The following CARMIL3 variants were observed in gnomAD, a reference collection of about 807,000 sequenced individuals.
CARMIL3 encodes the protein capping protein, Arp2/3 and myosin-I linker protein 3.
CARMIL3 carries 88 observed loss-of-function variants against 180.8 expected under a neutral mutation model. The ratio of observed to expected loss-of-function variants is 0.49; its 90% CI spans 0.41 to 0.58. The LOEUF (loss-of-function observed/expected upper bound fraction) is 0.58, where lower values mean the gene tolerates loss of function less well. Among genes scored for constraint, CARMIL3 ranks in the 20% least tolerant of loss-of-function variants. CARMIL3 has a pLI of 0.00. For synonymous variants in CARMIL3, 696 were observed against 714.5 expected (o/e 0.97, Z 0.41); for missense variants, 1,548 against 1,787.0 (o/e 0.87, Z 2.41).
At chr14:24,060,365 C>T (rs2035720548) in intron 24 of CARMIL3, 110 bp downstream of exon 24, 9 of 1,252,278 alleles carry the variant, frequency 7.2e-6, no homozygotes, top group Non-Finnish European at 1.0e-5. Context: ...TGGTGCCTAT[C>T]ACTGGACTGA....
Position 24,055,525 on chromosome 14 carries a change from C to A in CARMIL3, c.606-18C>A. 6.2e-7 allele frequency: 1 copy of A among 1,613,976 alleles called. No homozygotes were observed. The highest frequency in any genetic ancestry group is 1.1e-5 in the South Asian group (1 of 91,080). ...CCACCTGCTCACCACTTTCCTGCCC[C>A]CTTCCATATCCCCACAGAGACTTGG... is the stretch of plus-strand genomic sequence containing the variant. On this transcript the variant is annotated intron_variant, in intron 8 of 39. Transcript: ENST00000342740.
rs2035763836 is a variant in CARMIL3 at position 24,064,343 on chromosome 14, C to A, written c.3077C>A (p.Ser1026Tyr). ...FFSRRVLEES[S>Y]SYPRTLRTVR... ...AGCCGAAGGGTCCTGGAGGAAAGTT[C>A]TAGGTGTGATGCCTAAACACACTCC... Residue 1026 changes from serine (S) to tyrosine (Y), a missense_variant, in exon 32 of 40, where the codon TCT becomes TAT. Transcript: ENST00000342740. 6.2e-7 allele frequency: 1 copy of A among 1,606,764 alleles called. No individual in the cohort carries two copies. The highest frequency in any genetic ancestry group is 2.2e-5 in the East Asian group (1 of 44,762).
chr14:24,067,144 C>T (rs1019863049), intron 36 of CARMIL3, among the ~76,000 whole-genome samples: 43 of 152,240 alleles, frequency 2.8e-4, no homozygotes, highest in African/African-American at 9.4e-4. Flanking sequence ...GAGCTCGCCT[C>T]GGAGGTCAGA....
chr14:24,063,150 T>C lies in CARMIL3; in HGVS notation c.2737T>C (p.Cys913Arg). The C allele has an allele frequency of 6.2e-7, 1 of 1,613,604 alleles. No homozygotes were observed. The highest frequency in any genetic ancestry group is 1.3e-5 in the African/African-American group (1 of 75,074). The change falls in exon 30 of 40, where the codon TGC becomes CGC. Residue 913 changes from cysteine (C) to arginine (R), a missense_variant. Cys to Arg is a radical substitution (Grantham distance 180). Coordinates refer to ENST00000342740, the MANE Select transcript of CARMIL3 (RefSeq NM_138360.4). ...CATGGCCATCAAAAAGCAGAAACGC[T>C]GCCGCAAGATTCGGCCGGTGTCTGC... Reference protein sequence around the residue: ...DTMAIKKQKRCRKIRPVSAFI... With the variant: ...DTMAIKKQKRRRKIRPVSAFI...
intron 34 of CARMIL3, 98 bp from the exon 35 acceptor site, chr14:24,066,300 A>G: frequency 7.2e-7 from 1 of 1,395,912 alleles, no homozygotes; most frequent in East Asian, 2.3e-5. Context: ...GACTAATGAC[A>G]TGAGAATGAC....
In CARMIL3 at chr14:24,055,790, G is replaced by C. The variant is rs766083742; in HGVS notation, c.770+1G>C. On this transcript the variant is annotated splice_donor_variant, in intron 10 of 39. Coordinates refer to ENST00000342740, the MANE Select transcript of CARMIL3 (RefSeq NM_138360.4). LOFTEE classifies it high-confidence loss of function. Reference sequence around the variant, plus strand: ...TGCTGGACAACGCCGGGCTTAAGACGTGAGGCCAGTCTCCTCCTTGGGCAG... The same window carrying C: ...TGCTGGACAACGCCGGGCTTAAGACCTGAGGCCAGTCTCCTCCTTGGGCAG... 6.2e-7 allele frequency: 1 copy of C among 1,613,884 alleles called. No homozygotes were observed.
chr14:24,058,837 G>T lies in CARMIL3; in HGVS notation c.1475-53G>T. 1 of 1,612,260 alleles carries T rather than the reference G, an allele frequency of 6.2e-7. No homozygotes were observed. The highest frequency in any genetic ancestry group is 1.1e-5 in the South Asian group (1 of 91,044). On this transcript the variant is annotated intron_variant, in intron 18 of 39. Transcript: ENST00000342740. This position sits in a 1 kb window ranked among gnomAD's most constrained non-coding sequence, Gnocchi z 6.4. Reference sequence around the variant, plus strand: ...GAGCATGCAGAAGCAGCCCTGATGGGACACCAGTCAGCCTCAGGCCTCCAG... The same window carrying T: ...GAGCATGCAGAAGCAGCCCTGATGGTACACCAGTCAGCCTCAGGCCTCCAG...
At chr14:24,064,910 T>G in intron 32 of CARMIL3, 48 bp from the exon 33 acceptor site, 2 of 1,580,010 alleles carry the variant, frequency 1.3e-6, no homozygotes, top group East Asian at 2.3e-5. Flanking sequence ...GACCCAGGAT[T>G]GAGCTTGCAT....
chr14:24,052,059 CG>C lies in CARMIL3; in HGVS notation c.-94del. 3 of 1,309,756 alleles carry C rather than the reference CG, an allele frequency of 2.3e-6. No individual in the cohort carries two copies. The highest frequency in any genetic ancestry group is 2.0e-6 in the Non-Finnish European group (2 of 996,028). 81.1% of individuals were successfully genotyped at this position (1,309,756 alleles called of 1,614,324 possible). ...GCTCGGCCGCTGCTGCAGCGCTCAG[CG>C]CCCGGGCCCTGCTGAAGCCGGGTCT... On this transcript the variant is annotated 5_prime_UTR_variant, in exon 1 of 40. Coordinates refer to ENST00000342740, the MANE Select transcript of CARMIL3 (RefSeq NM_138360.4).
intron 27 of CARMIL3, 65 bp from the exon 28 acceptor site, chr14:24,062,415 T>A: frequency 7.2e-7 from 1 of 1,385,118 alleles, no homozygotes; most frequent in Non-Finnish European, 1.0e-6. Context: ...GGAGAGGGAG[T>A]GCCTCAGGGG....
rs1263383690 is a variant in CARMIL3, at chr14:24,061,199, A to G, written c.2304+159A>G. On this transcript the variant is annotated intron_variant, in intron 26 of 39. Transcript: ENST00000342740. This position sits in a 1 kb window ranked among gnomAD's most constrained non-coding sequence, Gnocchi z 4.1. The stretch of plus-strand genomic sequence containing the variant: ...CCCACTGTACCAAGGCATTGCTGCA[A>G]TATCAGGCTTGGATTTTTTTCTGCT... 19 of 676,358 alleles carry G rather than the reference A, an allele frequency of 2.8e-5. 1 individual carries two copies. The highest frequency in any genetic ancestry group is 1.4e-4 in the South Asian group (7 of 51,242). 41.9% of individuals were successfully genotyped at this position (676,358 alleles called of 1,614,324 possible). A position where few individuals can be genotyped will look rare whatever the true frequency, so the allele number is the denominator to read the frequency against.
chr14:24,066,463 A>G lies in CARMIL3; in HGVS notation c.3591A>G (p.Ala1197=). Residue 1197 remains alanine (A), a splice_region_variant and synonymous_variant, in exon 35 of 40, where the codon GCA becomes GCG. Coordinates refer to ENST00000342740, the MANE Select transcript of CARMIL3 (RefSeq NM_138360.4). ...AGAAACGGCGCTCTTCAGACGACGCAGGTAAGAACAGTCACATTCAAAGCC... is the reference window on the plus strand; with the variant it reads ...AGAAACGGCGCTCTTCAGACGACGCGGGTAAGAACAGTCACATTCAAAGCC... ...AWQKRRSSDD[A]GPGSWKPPPP... is the part of the protein sequence containing the mutation. 6.2e-7 allele frequency: 1 copy of G among 1,614,176 alleles called. No homozygotes were observed. The highest frequency in any genetic ancestry group is 8.5e-7 in the Non-Finnish European group (1 of 1,180,026).
intron 27 of CARMIL3, chr14:24,062,235 C>A (rs2035739732): frequency 3.5e-6 from 2 of 578,184 alleles, no homozygotes; most frequent in Non-Finnish European, 6.2e-6. Context: ...CTTGCTCCTT[C>A]TCCTCGAATT....
In CARMIL3 at chr14:24,054,991, T is replaced by G; in HGVS notation, c.461-75T>G. ...AAGAGCACTGGCACATAAAGTGACC[T>G]TGACTGTTCTTGAACCCCAAGCCTA... is the stretch of plus-strand genomic sequence containing the variant. On this transcript the variant is annotated intron_variant, in intron 6 of 39. Transcript: ENST00000342740. The surrounding 1 kb of genome is among the most constrained non-coding windows in gnomAD (Gnocchi z 5.1). 5 of 1,526,986 alleles carry G rather than the reference T, an allele frequency of 3.3e-6. No individual in the cohort carries two copies. Among genetic ancestry groups the G allele is most frequent in the Non-Finnish European group, 4.5e-6 (5 of 1,105,436 alleles). 94.6% of individuals were successfully genotyped at this position (1,526,986 alleles called of 1,614,324 possible). A position where few individuals can be genotyped will look rare whatever the true frequency, so the allele number is the denominator to read the frequency against.
Position 24,054,945 on chromosome 14 carries a change from G to T in CARMIL3, c.461-121G>T. On this transcript the variant is annotated intron_variant, in intron 6 of 39. Transcript: ENST00000342740. The surrounding 1 kb of genome is among the most constrained non-coding windows in gnomAD (Gnocchi z 5.1). ...ACTCCCAGCTCCCAGACCTCAGGAAGTTCATGGCATAGCAAGAACCAAGAG... is the reference window on the plus strand; with the variant it reads ...ACTCCCAGCTCCCAGACCTCAGGAATTTCATGGCATAGCAAGAACCAAGAG... 1 of 1,402,520 alleles carries T rather than the reference G, an allele frequency of 7.1e-7. No individual in the cohort carries two copies. The allele number at this position is 1,402,520 out of a possible 1,614,324, so 86.9% of individuals were successfully genotyped here.
chr14:24,054,213 C>T lies in CARMIL3; in HGVS notation c.187-29C>T. On this transcript the variant is annotated intron_variant, in intron 3 of 39. Coordinates refer to ENST00000342740, the MANE Select transcript of CARMIL3 (RefSeq NM_138360.4). This position sits in a 1 kb window ranked among gnomAD's most constrained non-coding sequence, Gnocchi z 5.1. ...CAAGCCTGGCAACCCAGGTCCTTAC[C>T]AGGAGCTGAGCATCTCCATCCCTCC... 1 of 1,614,122 alleles carries T rather than the reference C, an allele frequency of 6.2e-7. No individual in the cohort carries two copies. The highest frequency in any genetic ancestry group is 1.7e-5 in the Admixed American group (1 of 60,026).
At chr14:24,055,500 C>G in intron 8 of CARMIL3, 43 bp from the exon 9 acceptor site, 1 of 1,606,884 alleles carries the variant, frequency 6.2e-7, no homozygotes, top group Non-Finnish European at 8.5e-7. Context: ...TCTGACCCAA[C>G]CACCTGCTCA....
chr14:24,058,854 G>C lies in CARMIL3; in HGVS notation c.1475-36G>C. On this transcript the variant is annotated intron_variant, in intron 18 of 39. Coordinates refer to ENST00000342740, the MANE Select transcript of CARMIL3 (RefSeq NM_138360.4). This position sits in a 1 kb window ranked among gnomAD's most constrained non-coding sequence, Gnocchi z 6.4. The stretch of plus-strand genomic sequence containing the variant: ...CCTGATGGGACACCAGTCAGCCTCA[G>C]GCCTCCAGGCCAGGCCTCTCCCATC... 1 of 1,613,468 alleles carries C rather than the reference G, an allele frequency of 6.2e-7. No individual in the cohort carries two copies. Among genetic ancestry groups the C allele is most frequent in the Non-Finnish European group, 8.5e-7 (1 of 1,179,482 alleles).
chr14:24,056,972 GAT>G lies in CARMIL3; in HGVS notation c.1012_1013del (p.Tyr338ProfsTer14). ...AACCCAGCATTTGCCAGCTCCCTTC[GAT>G]ACCTGGACCTGAGCAAGAATCCTGG... On this transcript the variant is annotated frameshift_variant, in exon 13 of 40. Transcript: ENST00000342740. LOFTEE classifies it high-confidence loss of function. 1 of 1,614,032 alleles carries G rather than the reference GAT, an allele frequency of 6.2e-7. No homozygotes were observed. Among genetic ancestry groups the G allele is most frequent in the Non-Finnish European group, 8.5e-7 (1 of 1,179,980 alleles).
Sources: allele counts gnomAD v4.1 joint callset (sites outside exome capture counted in the v4.1 genomes callset), GRCh38; gene constraint gnomAD v4.1.1; non-coding constraint Gnocchi (gnomAD v3.1); transcripts MANE v1.5; gene names NCBI Gene and HGNC (gene_info 2026-07-23, HGNC 2026-07-21).